MTM1: variants seen among roughly 807,000 people sequenced by gnomAD.
The protein encoded by MTM1 is myotubularin 1, also known as myotubularin.
A neutral mutation model predicts 52.1 loss-of-function variants in MTM1; 9 were observed. The observed-to-expected ratio is 0.17, with a 90% confidence interval of 0.10 to 0.30. The LOEUF is 0.30. MTM1 is among the 10% of genes least tolerant of loss of function. The probability of loss-of-function intolerance (pLI) is 1.00; values close to 1 mark genes in which losing one functional copy is unlikely to be tolerated. For synonymous variants in MTM1, 136 were observed against 163.8 expected, an observed-to-expected ratio of 0.83 and a Z score of 1.29; for missense variants, 277 against 470.7, an observed-to-expected ratio of 0.59 and a Z score of 3.81.
intron 10 of MTM1, among the ~76,000 whole-genome samples, chrX:150,654,267 TTTATA>T (rs1236806001): frequency 8.9e-6 from 1 of 111,831 alleles, no homozygotes; most frequent in Non-Finnish European, 1.9e-5. Flanking sequence ...TTGAGTCCTT[TTTATA>T]TTATAAGTGA....
At chrX:150,580,518 C>A (rs1557411837) in intron 1 of MTM1, among the ~76,000 whole-genome samples, 1 of 110,099 alleles carries the variant, frequency 9.1e-6, no homozygotes, top group Non-Finnish European at 1.9e-5. Context: ...CTTCATCTTG[C>A]CTTTTTTATT....
chrX:150,569,692 C>T (rs1365475044), intron 1 of MTM1, among the ~76,000 whole-genome samples: 4 of 111,675 alleles, frequency 3.6e-5, no homozygotes, highest in African/African-American at 1.3e-4. Context: ...TTTACCACAG[C>T]TCAGTATTAT....
intron 3 of MTM1, 66 bp downstream of exon 3, chrX:150,596,636 A>G (rs2038981391): frequency 1.5e-5 from 14 of 909,533 alleles, no homozygotes; most frequent in African/African-American, 1.5e-4. Flanking sequence ...AGGTGGCTTC[A>G]GTCCCGCTTA....
intron 1 of MTM1, among the ~76,000 whole-genome samples, chrX:150,583,494 A>T (rs1253297805): frequency 3.3e-5 from 1 of 30,402 alleles, no homozygotes; most frequent in Non-Finnish European, 5.3e-5. Context: ...TATTATATAT[A>T]AATTATAAAT....
At chrX:150,624,753 G>T (rs1477953721) in intron 6 of MTM1, among the ~76,000 whole-genome samples, 1 of 112,108 alleles carries the variant, frequency 8.9e-6, no homozygotes, top group African/African-American at 3.2e-5. Flanking sequence ...ATTGGGTCAT[G>T]GTGTTGAAGT....
intron 14 of MTM1, among the ~76,000 whole-genome samples, chrX:150,663,904 A>G (rs1285839522): frequency 8.9e-6 from 1 of 111,970 alleles, no homozygotes; most frequent in Non-Finnish European, 1.9e-5. Context: ...CACTTGAAGT[A>G]GTTATTCATT....
At chrX:150,644,151 A>C (rs1182307734) in intron 8 of MTM1, among the ~76,000 whole-genome samples, 1 of 111,563 alleles carries the variant, frequency 9.0e-6, no homozygotes, top group Non-Finnish European at 1.9e-5. Context: ...TAAAATAATA[A>C]AAAATATTAA....
At chrX:150,668,296 A>T (rs1449705074) in intron 14 of MTM1, among the ~76,000 whole-genome samples, 1 of 112,206 alleles carries the variant, frequency 8.9e-6, no homozygotes, top group African/African-American at 3.2e-5. Context: ...TTTGTGTTAA[A>T]TTTTTTAGGG....
chrX:150,631,865 T>C (rs1329117674), intron 6 of MTM1, among the ~76,000 whole-genome samples: 1 of 111,038 alleles, frequency 9.0e-6, no homozygotes, highest in Non-Finnish European at 1.9e-5. Context: ...TTTGAAGTAC[T>C]GTCCTTATCT....
intron 4 of MTM1, among the ~76,000 whole-genome samples, chrX:150,606,275 A>T (rs2148443549): frequency 9.0e-6 from 1 of 111,248 alleles, no homozygotes; most frequent in African/African-American, 3.3e-5. Context: ...AAAACAAAAC[A>T]AAACAAAACA....
At chrX:150,646,787 C>G (rs1019959556) in intron 9 of MTM1, among the ~76,000 whole-genome samples, 1 of 112,412 alleles carries the variant, frequency 8.9e-6, no homozygotes, top group Non-Finnish European at 1.9e-5. Context: ...GAACATAAGA[C>G]AAGAACCAGA....
At chrX:150,622,161 T>G (rs2039492171) in intron 6 of MTM1, among the ~76,000 whole-genome samples, 1 of 103,748 alleles carries the variant, frequency 9.6e-6, no homozygotes, top group African/African-American at 3.6e-5. Context: ...TCCCTGCTTC[T>G]TGTTTTAGGA....
At chrX:150,657,742 CT>C in intron 10 of MTM1, 78 bp from the exon 11 acceptor site, 1 of 959,153 alleles carries the variant, frequency 1.0e-6, no homozygotes, top group South Asian at 2.0e-5. Flanking sequence ...TAAAGCATGG[CT>C]TTTTCTAAGT....
intron 9 of MTM1, among the ~76,000 whole-genome samples, chrX:150,648,885 G>A (rs782385733): frequency 8.9e-6 from 1 of 112,754 alleles, no homozygotes; most frequent in South Asian, 3.6e-4. Context: ...TTCGAGCTTT[G>A]AAGCCAGACT....
Position 150,672,160 on chromosome X carries a change from T to G in MTM1, c.*565T>G, listed in dbSNP as rs372767766. On this transcript the variant is annotated 3_prime_UTR_variant, in exon 15 of 15. Transcript: ENST00000370396. The stretch of plus-strand genomic sequence containing the variant: ...AGGAGAAATAGCTGTATAGATGAGT[T>G]TTTCATTATTTGGAAATTTAGGGGT... 1.3e-4 allele frequency: 15 copies of G among 112,125 alleles called. No individual in the cohort carries two copies. Among genetic ancestry groups the G allele is most frequent in the African/African-American group, 1.9e-4 (6 of 30,837 alleles). The allele number at this position is 112,125 out of a possible 1,213,427, so 9.2% of individuals were successfully genotyped here. A position where few individuals can be genotyped will look rare whatever the true frequency, so the allele number is the denominator to read the frequency against.
chrX:150,644,497 T>G (rs1201114116), intron 8 of MTM1, among the ~76,000 whole-genome samples: 3 of 112,400 alleles, frequency 2.7e-5, no homozygotes, highest in Admixed American at 9.4e-5. Context: ...CCTGTTGTCA[T>G]TATAAACACT....
At chrX:150,667,446 C>T (rs2040322585) in intron 14 of MTM1, among the ~76,000 whole-genome samples, 1 of 111,436 alleles carries the variant, frequency 9.0e-6, no homozygotes, top group African/African-American at 3.3e-5. Flanking sequence ...CTCCCAGGAT[C>T]GTTATGTTCG....
rs781843399 is a variant in MTM1, at chrX:150,649,798, T to C, written c.950T>C (p.Met317Thr). 8.3e-7 allele frequency: 1 copy of C among 1,206,801 alleles called. No individual in the cohort carries two copies. The highest frequency in any genetic ancestry group is 1.8e-5 in the South Asian group (1 of 56,259). The change falls in exon 10 of 15, where the codon ATG becomes ACG. Residue 317 changes from methionine to threonine, a missense_variant. Coordinates refer to ENST00000370396, the MANE Select transcript of MTM1 (RefSeq NM_000252.3). ...TTAGACATTCATAATATTCATGTTA[T>C]GCGGGAATCTTTAAAAAAAGTGAAG... ...FFLDIHNIHV[M>T]RESLKKVKDI...
At chrX:150,581,435 C>T (rs1346244382) in intron 1 of MTM1, among the ~76,000 whole-genome samples, 1 of 111,358 alleles carries the variant, frequency 9.0e-6, no homozygotes, top group Non-Finnish European at 1.9e-5. Flanking sequence ...AAACTTTCTC[C>T]TTTTAAAAGA....
Sources: gnomAD v4.1 joint callset for allele counts (sites outside exome capture counted in the v4.1 genomes callset) on GRCh38, gnomAD v4.1.1 for gene constraint, MANE v1.5 for transcripts, NCBI Gene and HGNC (gene_info 2026-07-23, HGNC 2026-07-21) for gene names.